XNDC1N: variants seen among roughly 807,000 people sequenced by gnomAD.
XNDC1N encodes the protein protein XNDC1N.
chr11:71,890,542 G>T, the XNDC1N span, among the ~76,000 whole-genome samples: 1 of 152,094 alleles, frequency 6.6e-6, no homozygotes, highest in South Asian at 2.1e-4. Flanking sequence ...CACACACTTT[G>T]ATATTGGTAT....
chr11:71,915,981 G>T, the XNDC1N span: 2 of 648,244 alleles, frequency 3.1e-6, no homozygotes, highest in Non-Finnish European at 2.8e-6. Flanking sequence ...GTACGTGTGT[G>T]TGTGTCTATG....
chr11:71,890,319 G>A, the XNDC1N span, among the ~76,000 whole-genome samples: 6 of 151,942 alleles, frequency 3.9e-5, no homozygotes, highest in East Asian at 1.9e-4. Flanking sequence ...TACGCCTGTC[G>A]CGAAATTCAA....
At chr11:71,902,243 G>T in the XNDC1N span, among the ~76,000 whole-genome samples, 1 of 152,226 alleles carries the variant, frequency 6.6e-6, no homozygotes, top group Non-Finnish European at 1.5e-5. Flanking sequence ...CCAGGCTGGC[G>T]TGCAGTGGTG....
At chr11:71,896,030 C>T in the XNDC1N span, among the ~76,000 whole-genome samples, 1 of 152,168 alleles carries the variant, frequency 6.6e-6, no homozygotes, top group Non-Finnish European at 1.5e-5. Context: ...GTAATCCCAG[C>T]ACTCTAAGAG....
chr11:71,911,632 T>C, the XNDC1N span, among the ~76,000 whole-genome samples: 2 of 152,162 alleles, frequency 1.3e-5, no homozygotes, highest in Non-Finnish European at 2.9e-5. Flanking sequence ...TTACACTGAT[T>C]CTCGGTATGT....
At chr11:71,899,592 T>C in the XNDC1N span, among the ~76,000 whole-genome samples, 2 of 152,214 alleles carry the variant, frequency 1.3e-5, no homozygotes, top group African/African-American at 4.8e-5. Context: ...GGACGTGCCT[T>C]GTTAACAAGA....
chr11:71,903,433 T>G, the XNDC1N span: 2 of 1,066,976 alleles, frequency 1.9e-6, no homozygotes, highest in Non-Finnish European at 1.4e-6. Flanking sequence ...CCCAAGATGA[T>G]TGTGGACATC....
the XNDC1N span, chr11:71,865,925 G>A: frequency 4.7e-6 from 2 of 422,650 alleles, no homozygotes; most frequent in East Asian, 7.6e-5. Context: ...TTCTCTGAGG[G>A]CAACATTGTC....
chr11:71,868,727 C>T, the XNDC1N span, among the ~76,000 whole-genome samples: 121 of 152,152 alleles, frequency 8.0e-4, no homozygotes, highest in Non-Finnish European at 1.5e-3. Flanking sequence ...TCTTTCATGT[C>T]GACCTTGGAG....
the XNDC1N span, chr11:71,865,908 C>T: frequency 7.0e-6 from 3 of 429,662 alleles, no homozygotes; most frequent in South Asian, 3.5e-5. Context: ...CTACACATTA[C>T]TAAAAGTTCT....
At chr11:71,914,456 G>A in the XNDC1N span, 4 of 446,788 alleles carry the variant, frequency 9.0e-6, no homozygotes, top group Non-Finnish European at 1.8e-5. Flanking sequence ...GATGGCTGAG[G>A]CGGGTGGATC....
At chr11:71,928,388 C>G in the XNDC1N span, 1 of 685,324 alleles carries the variant, frequency 1.5e-6, no homozygotes, top group South Asian at 1.5e-5. Context: ...CCTCGAGGAG[C>G]CACCGTTGCC....
chr11:71,910,472 G>A, the XNDC1N span, among the ~76,000 whole-genome samples: 2 of 152,148 alleles, frequency 1.3e-5, no homozygotes, highest in Non-Finnish European at 2.9e-5. Context: ...CCATCTTCGG[G>A]GAGGCGTGGG....
At chr11:71,918,099 T>C in the XNDC1N span, among the ~76,000 whole-genome samples, 4 of 152,172 alleles carry the variant, frequency 2.6e-5, no homozygotes, top group Non-Finnish European at 5.9e-5. Context: ...GCCTGACATC[T>C]CTCTGTCCCG....
At chr11:71,894,635 C>T in the XNDC1N span, among the ~76,000 whole-genome samples, 9 of 152,120 alleles carry the variant, frequency 5.9e-5, no homozygotes, top group Non-Finnish European at 8.8e-5. Flanking sequence ...TATACCTAGG[C>T]GGCCTCTTTT....
At chr11:71,900,963 C>T in the XNDC1N span, among the ~76,000 whole-genome samples, 1 of 152,170 alleles carries the variant, frequency 6.6e-6, no homozygotes, top group Non-Finnish European at 1.5e-5. Context: ...AACCAACCTG[C>T]CCTCTCAAAT....
the XNDC1N span, among the ~76,000 whole-genome samples, chr11:71,911,287 G>A: frequency 5.9e-5 from 9 of 152,258 alleles, no homozygotes; most frequent in East Asian, 3.9e-4. Context: ...GAAAATCCCC[G>A]TATAACCATT....
the XNDC1N span, among the ~76,000 whole-genome samples, chr11:71,890,305 C>T: frequency 4.4e-4 from 66 of 151,556 alleles, 1 homozygote; most frequent in East Asian, 0.012. Context: ...TCACATTGTG[C>T]GTGTACGCCT....
chr11:71,878,415 A>C, the XNDC1N span: 2 of 1,607,662 alleles, frequency 1.2e-6, no homozygotes, highest in African/African-American at 2.7e-5. Flanking sequence ...CTTCATCTCA[A>C]CTACTGATTC....
Sources: allele counts gnomAD v4.1 joint callset (sites outside exome capture counted in the v4.1 genomes callset), GRCh38; gene constraint gnomAD v4.1.1; transcripts MANE v1.5; gene names NCBI Gene and HGNC (gene_info 2026-07-23, HGNC 2026-07-21).